DCHS1: variants seen among roughly 807,000 people sequenced by gnomAD.
The protein encoded by DCHS1 is dachsous cadherin-related 1, also known as protocadherin-16.
DCHS1 carries 78 observed loss-of-function variants against 213.9 expected under a neutral mutation model. The ratio of observed to expected loss-of-function variants is 0.36; its 90% CI spans 0.30 to 0.44. DCHS1 has a LOEUF of 0.44. Ranked by LOEUF, DCHS1 falls within the 20% of genes least tolerant of loss-of-function variation. The pLI is 1.00. For missense variants in DCHS1, 3,946 were observed against 4,395.9 expected (o/e 0.90, Z 2.89); for synonymous variants, 1,828 against 1,873.7 (o/e 0.98, Z 0.63).
In DCHS1 at chr11:6,641,045, GTC is replaced by G; in HGVS notation, c.567_568del (p.Glu189AspfsTer17). The G allele has an allele frequency of 6.2e-7, 1 of 1,613,982 alleles. No homozygotes were observed. Among genetic ancestry groups the G allele is most frequent in the Non-Finnish European group, 8.5e-7 (1 of 1,179,890 alleles). ...ACCGGGGCGTGTCTCCAGCCGGAAG[GTC>G]TCTCCAGCCCCATCACCAGATAGCG... On this transcript the variant is annotated frameshift_variant, in exon 2 of 21. Transcript: ENST00000299441. LOFTEE classifies it high-confidence loss of function. The surrounding 1 kb of genome is among the most constrained non-coding windows in gnomAD (Gnocchi z 7.1).
In DCHS1 at chr11:6,626,887, G is replaced by C. The variant is rs1225332902; in HGVS notation, c.6152C>G (p.Thr2051Ser). The C allele has an allele frequency of 6.8e-6, 11 of 1,613,456 alleles. No homozygotes were observed. Among genetic ancestry groups the C allele is most frequent in the African/African-American group, 1.3e-5 (1 of 74,916 alleles). ...TDLGRPARSA[T>S]GVIIVGLQGE... ...CTGCAGTCCAACAATGATCACACCAGTGGCAGAGCGAGCTGGACGGCCAAG... is the reference window on the plus strand; with the variant it reads ...CTGCAGTCCAACAATGATCACACCACTGGCAGAGCGAGCTGGACGGCCAAG... The change falls in exon 14 of 21, where the codon ACT (threonine) becomes AGT (serine). Residue 2051 changes from threonine to serine, a missense_variant. Around this residue, in one of 3 missense-constraint regions of DCHS1, gnomAD observed 3,384 missense variants for 3,780.1 expected, o/e 0.90. Coordinates refer to ENST00000299441, the MANE Select transcript of DCHS1 (RefSeq NM_003737.4). This position sits in a 1 kb window ranked among gnomAD's most constrained non-coding sequence, Gnocchi z 5.2.
In DCHS1 at chr11:6,630,675, G is replaced by A. The variant is rs757169253; in HGVS notation, c.4119C>T (p.Ala1373=). Residue 1373 remains alanine (A), a synonymous_variant, in exon 10 of 21, where the codon GCC becomes GCT. Transcript: ENST00000299441. ...GALTYTLVGG[A]DPEGTFALDA... ...CCAGCGCGAAGGTGCCCTCGGGATC[G>A]GCACCGCCCACCAGTGTGTAGGTGA... 5.9e-6 allele frequency: 9 copies of A among 1,532,476 alleles called. No homozygotes were observed. Among genetic ancestry groups the A allele is most frequent in the East Asian group, 2.4e-5 (1 of 40,910 alleles). 94.9% of individuals were successfully genotyped at this position (1,532,476 alleles called of 1,614,324 possible). A position where few individuals can be genotyped will look rare whatever the true frequency, so the allele number is the denominator to read the frequency against.
rs1855770437 is a variant in DCHS1 at position 6,625,004 on chromosome 11, A to G, written c.7147-136T>C. The stretch of plus-strand genomic sequence containing the variant: ...TGGAGCCCCTACTCCTAAGTATTCG[A>G]ATGGGAAATGCCCACCTTCTCCCCT... On this transcript the variant is annotated intron_variant, in intron 19 of 20. Coordinates refer to ENST00000299441, the MANE Select transcript of DCHS1 (RefSeq NM_003737.4). This position sits in a 1 kb window ranked among gnomAD's most constrained non-coding sequence, Gnocchi z 5.3. 1.4e-6 allele frequency: 2 copies of G among 1,415,720 alleles called. No homozygotes were observed. Among genetic ancestry groups the G allele is most frequent in the East Asian group, 2.5e-5 (1 of 40,652 alleles). The allele number at this position is 1,415,720 out of a possible 1,614,324, so 87.7% of individuals were successfully genotyped here. A position where few individuals can be genotyped will look rare whatever the true frequency, so the allele number is the denominator to read the frequency against.
Position 6,625,287 on chromosome 11 carries a change from C to G in DCHS1, c.7057G>C (p.Asp2353His), listed in dbSNP as rs776808569. ...TTGGCACGGCCCTCATGAGGCCCAT[C>G]ATGTGCCAGCAGCTGCAGCTGGTAG... ...DRYQLQLLAH[D>H]GPHEGRANLT... Residue 2353 changes from aspartate to histidine, a missense_variant, in exon 19 of 21, where the codon GAT becomes CAT. This residue lies in a region of DCHS1 where 3,384 missense variants were observed against 3,780.1 expected (regional missense o/e 0.90). Transcript: ENST00000299441. This position sits in a 1 kb window ranked among gnomAD's most constrained non-coding sequence, Gnocchi z 5.3. 1 of 1,613,854 alleles carries G rather than the reference C, an allele frequency of 6.2e-7. No individual in the cohort carries two copies. Among genetic ancestry groups the G allele is most frequent in the Non-Finnish European group, 8.5e-7 (1 of 1,179,870 alleles).
intron 1 of DCHS1, among the ~76,000 whole-genome samples, chr11:6,648,376 C>T (rs1252613554): frequency 2.0e-5 from 3 of 152,108 alleles, no homozygotes; most frequent in Non-Finnish European, 2.9e-5. Flanking sequence ...AGAAAGGGAT[C>T]GATAATGTCC....
chr11:6,629,614 A>C (rs1855867588), intron 11 of DCHS1, 37 bp from the exon 12 acceptor site: 1 of 1,613,152 alleles, frequency 6.2e-7, no homozygotes, highest in Admixed American at 1.7e-5. Flanking sequence ...TCAGAGGGTA[A>C]AAATGCTGTT....
Position 6,630,355 on chromosome 11 carries a change from T to A in DCHS1, c.4439A>T (p.Glu1480Val), listed in dbSNP as rs569089566. The change falls in exon 10 of 21, where the codon GAG becomes GTG. Residue 1480 changes from glutamate to valine, a missense_variant. By Grantham distance (121) the Glu-to-Val change is moderately radical. Coordinates refer to ENST00000299441, the MANE Select transcript of DCHS1 (RefSeq NM_003737.4). ...CAGGCGAAGCGCCGGCACGGGCGGC[T>A]CCTGGCGCAGCAGGCGGTAGCGCAC... ...SDVRYRLLRQ[E>V]PPVPALRLDA... 38 of 1,315,812 alleles carry A rather than the reference T, an allele frequency of 2.9e-5. 1 individual carries two copies. The South Asian group carries it at 6.8e-4, about 23-fold the overall frequency. 81.5% of individuals were successfully genotyped at this position (1,315,812 alleles called of 1,614,324 possible).
intron 1 of DCHS1, among the ~76,000 whole-genome samples, chr11:6,649,167 A>G (rs1276277733): frequency 1.3e-5 from 2 of 151,426 alleles, no homozygotes; most frequent in African/African-American, 4.9e-5. Flanking sequence ...GAGGAAACTG[A>G]GGGCTCAAAG....
Position 6,623,688 on chromosome 11 carries a change from T to C in DCHS1, c.7988A>G (p.His2663Arg), listed in dbSNP as rs147469322. 2.9e-5 allele frequency: 47 copies of C among 1,613,804 alleles called. No individual in the cohort carries two copies. The African/African-American group carries it at 6.0e-4, about 21-fold the overall frequency. ...DESSGTLRLA[H>R]ALDCETQARH... is the part of the protein sequence containing the mutation. ...AGCCTGGGTCTCACAGTCCAGGGCA[T>C]GGGCCAGTCGCAAGGTGCCTGAGCT... Residue 2663 changes from histidine to arginine, a missense_variant, in exon 21 of 21, where the codon CAT becomes CGT. Coordinates refer to ENST00000299441, the MANE Select transcript of DCHS1 (RefSeq NM_003737.4).
At position 6,630,620 on chromosome 11, in the gene DCHS1, G is replaced by A; in HGVS notation, c.4174C>T (p.Arg1392Trp). Residue 1392 changes from arginine to tryptophan, a missense_variant, in exon 10 of 21, where the codon CGG becomes TGG. By Grantham distance (101) the Arg-to-Trp change is moderately radical. This residue lies in a region of DCHS1 where 3,384 missense variants were observed against 3,780.1 expected (regional missense o/e 0.90). Coordinates refer to ENST00000299441, the MANE Select transcript of DCHS1 (RefSeq NM_003737.4). ...DAASGRLYLA[R>W]PLDFEAGPPW... ...GGGCCAGCTTCGAAGTCCAGGGGCC[G>A]CGCCAGGTACAAGCGCCCTGAGGCC... 6.5e-7 allele frequency: 1 copy of A among 1,540,412 alleles called. No individual in the cohort carries two copies. Among genetic ancestry groups the A allele is most frequent in the Non-Finnish European group, 8.7e-7 (1 of 1,149,136 alleles).
chr11:6,621,664 G>C lies in DCHS1; in HGVS notation c.*115C>G. On this transcript the variant is annotated 3_prime_UTR_variant, in exon 21 of 21. Transcript: ENST00000299441. ...GTTCAGGGTGGAGAGCTGGGGCCTG[G>C]TGGTGGCCTCCCCGTAGCCAGTCAT... 1 of 1,228,986 alleles carries C rather than the reference G, an allele frequency of 8.1e-7. No individual in the cohort carries two copies. Among genetic ancestry groups the C allele is most frequent in the African/African-American group, 1.5e-5 (1 of 67,118 alleles). 76.1% of individuals were successfully genotyped at this position (1,228,986 alleles called of 1,614,324 possible). A position where few individuals can be genotyped will look rare whatever the true frequency, so the allele number is the denominator to read the frequency against.
rs764616274 is a variant in DCHS1, at chr11:6,640,357, G to A, written c.1257C>T (p.Ser419=). The A allele has an allele frequency of 5.0e-6, 8 of 1,613,002 alleles. No individual in the cohort carries two copies. The highest frequency in any genetic ancestry group is 1.7e-5 in the Admixed American group (1 of 59,784). ...EGHFALSTQD[S]VIYLVCVARR... Reference sequence around the variant, plus strand: ...GAGCCACACACACCAGATAGATGACGCTGTCTTGGGTGCTTAGGGCAAAGT... The same window carrying A: ...GAGCCACACACACCAGATAGATGACACTGTCTTGGGTGCTTAGGGCAAAGT... Residue 419 remains serine (S), a synonymous_variant, in exon 2 of 21, where the codon AGC becomes AGT. Coordinates refer to ENST00000299441, the MANE Select transcript of DCHS1 (RefSeq NM_003737.4). The surrounding 1 kb of genome is among the most constrained non-coding windows in gnomAD (Gnocchi z 6.5).
Position 6,640,497 on chromosome 11 carries a change from G to A in DCHS1, c.1117C>T (p.Pro373Ser), listed in dbSNP as rs1315472732. 1.2e-6 allele frequency: 2 copies of A among 1,613,154 alleles called. No homozygotes were observed. Among genetic ancestry groups the A allele is most frequent in the Admixed American group, 1.7e-5 (1 of 60,008 alleles). ...TVIFLSADGS[P>S]QVSEAAPPGQ... Reference sequence around the variant, plus strand: ...GGTGGGGCGGCCTCAGACACTTGGGGGGAGCCATCTGCACTGAGAAAGATG... The same window carrying A: ...GGTGGGGCGGCCTCAGACACTTGGGAGGAGCCATCTGCACTGAGAAAGATG... The change falls in exon 2 of 21, where the codon CCC becomes TCC. Residue 373 changes from proline (P) to serine (S), a missense_variant. Pro to Ser is a moderately conservative substitution (Grantham distance 74). Around this residue, in one of 3 missense-constraint regions of DCHS1, gnomAD observed 3,384 missense variants for 3,780.1 expected, o/e 0.90. Coordinates refer to ENST00000299441, the MANE Select transcript of DCHS1 (RefSeq NM_003737.4). The surrounding 1 kb of genome is among the most constrained non-coding windows in gnomAD (Gnocchi z 6.5).
In DCHS1 at chr11:6,625,902, C is replaced by T; in HGVS notation, c.6731+18G>A. ...CAGGCCCAAGATGGGGTCTTGGGTCCACAGGGCCAGGCCTCACCGTGTTTC... is the reference window on the plus strand; with the variant it reads ...CAGGCCCAAGATGGGGTCTTGGGTCTACAGGGCCAGGCCTCACCGTGTTTC... On this transcript the variant is annotated intron_variant, in intron 17 of 20. Transcript: ENST00000299441. The surrounding 1 kb of genome is among the most constrained non-coding windows in gnomAD (Gnocchi z 5.3). The T allele has an allele frequency of 1.2e-6, 2 of 1,610,892 alleles. No homozygotes were observed. Among genetic ancestry groups the T allele is most frequent in the Non-Finnish European group, 8.5e-7 (1 of 1,178,644 alleles).
At chr11:6,633,343 G>T in intron 5 of DCHS1, 69 bp downstream of exon 5, 1 of 1,441,572 alleles carries the variant, frequency 6.9e-7, no homozygotes, top group Non-Finnish European at 9.4e-7. Flanking sequence ...AGGTATCTTC[G>T]GATGGTGCTG....
In DCHS1 at chr11:6,632,909, C is replaced by G. The variant is rs1376811092; in HGVS notation, c.2603G>C (p.Gly868Ala). Residue 868 changes from glycine to alanine, a missense_variant, in exon 6 of 21, where the codon GGC becomes GCC. By Grantham distance (60) the Gly-to-Ala change is moderately conservative. Around this residue, in one of 3 missense-constraint regions of DCHS1, gnomAD observed 3,384 missense variants for 3,780.1 expected, o/e 0.90. Coordinates refer to ENST00000299441, the MANE Select transcript of DCHS1 (RefSeq NM_003737.4). This position sits in a 1 kb window ranked among gnomAD's most constrained non-coding sequence, Gnocchi z 5.9. Reference sequence around the variant, plus strand: ...AGCGAAAGCTGGGGGCACTCCACTGCCTGCTCGCACCTCCAGCTCCAACAC... The same window carrying G: ...AGCGAAAGCTGGGGGCACTCCACTGGCTGCTCGCACCTCCAGCTCCAACAC... ...GPVLELEVRAGSGVPPAFAVA... is the reference protein window; with the variant it reads ...GPVLELEVRAASGVPPAFAVA... The G allele has an allele frequency of 5.0e-6, 8 of 1,613,916 alleles. No individual in the cohort carries two copies. The African/African-American group carries it at 6.7e-5, about 13-fold the overall frequency.
At position 6,621,459 on chromosome 11, in the gene DCHS1, C is replaced by G; in HGVS notation, c.*320G>C. The stretch of plus-strand genomic sequence containing the variant: ...CATGTTGGAGGGACCTCCTCCATCC[C>G]CCTACCCCCAATAAATAAAGTCTCA... On this transcript the variant is annotated 3_prime_UTR_variant, in exon 21 of 21. Transcript: ENST00000299441. 2.2e-6 allele frequency: 1 copy of G among 463,052 alleles called. No homozygotes were observed. The allele number at this position is 463,052 out of a possible 1,614,324, so 28.7% of individuals were successfully genotyped here.
At position 6,641,698 on chromosome 11, in the gene DCHS1, C is replaced by A. The variant is rs980473101; in HGVS notation, c.-85G>T. The A allele has an allele frequency of 6.1e-5, 88 of 1,452,972 alleles. No individual in the cohort carries two copies. Among genetic ancestry groups the A allele is most frequent in the Non-Finnish European group, 7.4e-5 (82 of 1,102,372 alleles). 90.0% of individuals were successfully genotyped at this position (1,452,972 alleles called of 1,614,324 possible). A position where few individuals can be genotyped will look rare whatever the true frequency, so the allele number is the denominator to read the frequency against. On this transcript the variant is annotated 5_prime_UTR_variant, in exon 2 of 21. Coordinates refer to ENST00000299441, the MANE Select transcript of DCHS1 (RefSeq NM_003737.4). The surrounding 1 kb of genome is among the most constrained non-coding windows in gnomAD (Gnocchi z 7.1). ...TTGACCTCAGACTTTGGGTCAGGTC[C>A]CACTGGGGCCCTGGCTCCAGCTCAG...
chr11:6,648,234 A>G (rs1035871143), intron 1 of DCHS1, among the ~76,000 whole-genome samples: 4 of 152,238 alleles, frequency 2.6e-5, no homozygotes, highest in Non-Finnish European at 5.9e-5. Context: ...TCCATCAGAT[A>G]GAATGTGTAG....
Sources: allele counts gnomAD v4.1 joint callset (sites outside exome capture counted in the v4.1 genomes callset), GRCh38; gene constraint gnomAD v4.1.1; regional missense constraint gnomAD v4.1.1; non-coding constraint Gnocchi (gnomAD v3.1); transcripts MANE v1.5; gene names NCBI Gene and HGNC (gene_info 2026-07-23, HGNC 2026-07-21).